The following SUGCT variants were observed in gnomAD, a reference collection of about 807,000 sequenced individuals.
The protein encoded by SUGCT is succinyl-CoA:glutarate CoA-transferase.
SUGCT carries 41 observed loss-of-function variants against 55.0 expected under a neutral mutation model. The ratio of observed to expected loss-of-function variants is 0.74; its 90% CI spans 0.58 to 0.97. The LOEUF is 0.97. Ranked by LOEUF, SUGCT falls within the 50% of genes least tolerant of loss-of-function variation. The pLI is 0.00. For synonymous variants in SUGCT, 187 were observed against 200.4 expected (o/e 0.93, Z 0.56); for missense variants, 568 against 547.8 (o/e 1.04, Z -0.37).
At chr7:40,916,609 T>C in the SUGCT span, among the ~76,000 whole-genome samples, 1 of 152,228 alleles carries the variant, frequency 6.6e-6, no homozygotes, top group Non-Finnish European at 1.5e-5. Flanking sequence ...TGAATACTTC[T>C]CTTTCTGAAT....
At chr7:40,983,972 G>T in the SUGCT span, among the ~76,000 whole-genome samples, 1 of 152,140 alleles carries the variant, frequency 6.6e-6, no homozygotes, top group Non-Finnish European at 1.5e-5. Flanking sequence ...TCGCCTGTAG[G>T]AACCAAGGGG....
At chr7:40,922,759 T>A in the SUGCT span, among the ~76,000 whole-genome samples, 2 of 152,236 alleles carry the variant, frequency 1.3e-5, no homozygotes, top group Admixed American at 6.5e-5. Flanking sequence ...TTTCTCATAA[T>A]GGTGAGTGGA....
chr7:40,983,362 T>G, the SUGCT span, among the ~76,000 whole-genome samples: 10 of 152,334 alleles, frequency 6.6e-5, no homozygotes, highest in Non-Finnish European at 1.3e-4. Flanking sequence ...ATTGTATTAC[T>G]TTCTTTCTCT....
intron 13 of SUGCT, among the ~76,000 whole-genome samples, chr7:40,787,735 G>T (rs918395163): frequency 6.7e-6 from 1 of 149,602 alleles, no homozygotes; most frequent in Non-Finnish European, 1.5e-5. Flanking sequence ...AAAGGGGCAG[G>T]CTAGCATGAT....
chr7:40,790,238 C>T (rs970878272), intron 13 of SUGCT, among the ~76,000 whole-genome samples: 1 of 152,114 alleles, frequency 6.6e-6, no homozygotes, highest in African/African-American at 2.4e-5. Flanking sequence ...TGAGTGAGTT[C>T]TCACCAGATC....
At chr7:40,557,183 C>T (rs936254771) in intron 12 of SUGCT, among the ~76,000 whole-genome samples, 7 of 152,092 alleles carry the variant, frequency 4.6e-5, no homozygotes, top group Non-Finnish European at 7.4e-5. Context: ...GGAAATAAAC[C>T]CACCACACAT....
chr7:40,583,887 A>G (rs1212720641), intron 12 of SUGCT, among the ~76,000 whole-genome samples: 1 of 152,206 alleles, frequency 6.6e-6, no homozygotes, highest in Non-Finnish European at 1.5e-5. Context: ...GTCTCTCGAT[A>G]CATGCTGAAA....
chr7:40,448,437 T>A (rs909760202), intron 9 of SUGCT, among the ~76,000 whole-genome samples: 3 of 152,172 alleles, frequency 2.0e-5, no homozygotes, highest in Admixed American at 6.5e-5. Context: ...TTGTACATTA[T>A]AATGGATTTC....
the SUGCT span, among the ~76,000 whole-genome samples, chr7:41,017,509 G>A: frequency 6.6e-6 from 1 of 152,144 alleles, no homozygotes; most frequent in Non-Finnish European, 1.5e-5. Context: ...GGTGGCTCAC[G>A]CCTGTAATCC....
chr7:40,350,339 A>C (rs1479123212), intron 9 of SUGCT, among the ~76,000 whole-genome samples: 1 of 146,440 alleles, frequency 6.8e-6, no homozygotes, highest in East Asian at 2.0e-4. Flanking sequence ...TTTTTAAGAG[A>C]GTCTCACTCT....
At chr7:40,164,317 A>G (rs1784321879) in intron 1 of SUGCT, among the ~76,000 whole-genome samples, 1 of 152,038 alleles carries the variant, frequency 6.6e-6, no homozygotes, top group African/African-American at 2.4e-5. Flanking sequence ...TTTAGTAGAG[A>G]TGAGGTTTCA....
chr7:40,988,032 T>A, the SUGCT span, among the ~76,000 whole-genome samples: 1 of 151,852 alleles, frequency 6.6e-6, no homozygotes, highest in African/African-American at 2.4e-5. Flanking sequence ...GAATGAAGCC[T>A]TCTCATTTCT....
At chr7:40,582,458 G>T (rs1444938908) in intron 12 of SUGCT, among the ~76,000 whole-genome samples, 1 of 152,132 alleles carries the variant, frequency 6.6e-6, no homozygotes, top group Non-Finnish European at 1.5e-5. Context: ...ACAGGGTCTT[G>T]AGTTGAATAT....
In SUGCT at chr7:40,805,039, C is replaced by T. The variant is rs7810324; in HGVS notation, c.1154-55277C>T. Among the ~76,000 whole-genome samples the T allele has an allele frequency of 6.6e-4, 100 of 152,200 alleles. 1 individual carries two copies. The highest frequency in any genetic ancestry group is 2.2e-3 in the African/African-American group (93 of 41,524). On this transcript the variant is annotated intron_variant, in intron 13 of 13. Coordinates refer to ENST00000335693, the MANE Select transcript of SUGCT (RefSeq NM_001193313.2). ...TTTCACTTTTATTTGTGGTCAGCTT[C>T]GATATGTCTACACGAAAGCACACTT...
chr7:40,887,159 A>G, the SUGCT span, among the ~76,000 whole-genome samples: 4 of 152,214 alleles, frequency 2.6e-5, no homozygotes, highest in African/African-American at 9.6e-5. Flanking sequence ...ATTGAAGCAG[A>G]GGCCAGATGA....
At position 40,459,189 on chromosome 7, in the gene SUGCT, TA is replaced by T. The variant is rs1789656394; in HGVS notation, c.978del (p.Leu326PhefsTer9). 1 of 1,591,708 alleles carries T rather than the reference TA, an allele frequency of 6.3e-7. No individual in the cohort carries two copies. Among genetic ancestry groups the T allele is most frequent in the South Asian group, 1.1e-5 (1 of 90,150 alleles). The part of the protein sequence containing the change: ...VHNRKELIKI[L>X]SERFEEELTS... ...AATAGAAAAGAGCTTATTAAAATAT[TA>T]TCTGAACGGTAAGTTTGGATGTTGT... On this transcript the variant is annotated frameshift_variant, in exon 11 of 14. Transcript: ENST00000335693. LOFTEE classifies it high-confidence loss of function.
intron 12 of SUGCT, among the ~76,000 whole-genome samples, chr7:40,689,829 T>C (rs1322435748): frequency 6.6e-6 from 1 of 152,160 alleles, no homozygotes; most frequent in African/African-American, 2.4e-5. Flanking sequence ...AAGGATTAGC[T>C]GTGCATATTA....
chr7:40,188,512 C>G lies in SUGCT; in HGVS notation c.244C>G (p.Arg82Gly), dbSNP rs746851191. ...ATTTTCAGGAGCTGGTGATGATACA[C>G]GAACTTGGGGGCCACCTTTTGTTGG... is the stretch of plus-strand genomic sequence containing the variant. ...VERPGAGDDT[R>G]TWGPPFVGTE... Residue 82 changes from arginine to glycine, a missense_variant, in exon 4 of 14, where the codon CGA becomes GGA. Transcript: ENST00000335693. The G allele has an allele frequency of 1.2e-6, 2 of 1,605,614 alleles. No homozygotes were observed. The highest frequency in any genetic ancestry group is 2.2e-5 in the East Asian group (1 of 44,578).
At chr7:40,208,779 A>G (rs927654458) in intron 6 of SUGCT, among the ~76,000 whole-genome samples, 1 of 152,124 alleles carries the variant, frequency 6.6e-6, no homozygotes, top group African/African-American at 2.4e-5. Context: ...TCCTGAGCTC[A>G]GGCAATCCGC....
Sources: allele counts gnomAD v4.1 joint callset (sites outside exome capture counted in the v4.1 genomes callset), GRCh38; gene constraint gnomAD v4.1.1; transcripts MANE v1.5; gene names NCBI Gene and HGNC (gene_info 2026-07-23, HGNC 2026-07-21).